MAD1L1: variants seen among roughly 807,000 people sequenced by gnomAD.
MAD1L1 encodes mitotic arrest deficient 1 like 1.
A neutral mutation model predicts 96.9 loss-of-function variants in MAD1L1; 95 were observed. The observed-to-expected ratio is 0.98, with a 90% CI of 0.83 to 1.16. The LOEUF (loss-of-function observed/expected upper bound fraction) is 1.16. Among genes scored for constraint, MAD1L1 ranks in the 50% most tolerant of loss-of-function variants. MAD1L1 has a pLI of 0.00. For synonymous variants in MAD1L1, 473 were observed against 396.6 expected (o/e 1.19, Z -2.29); for missense variants, 1,007 against 954.4 (o/e 1.06, Z -0.73).
Position 1,939,025 on chromosome 7 carries a change from G to GCACA in MAD1L1, c.1597-2129_1597-2128insTGTG, listed in dbSNP as rs1562542997. On this transcript the variant is annotated intron_variant, in intron 16 of 18. Transcript: ENST00000265854. ...CACACACACACACACACACACACAT[G>GCACA]GGCCAGGGCTGGGGCCAGAGGCACA... Among the ~76,000 whole-genome samples the GCACA allele has an allele frequency of 4.1e-3, 391 of 95,996 alleles. 9 individuals are homozygous for GCACA. The highest frequency in any genetic ancestry group is 0.017 in the African/African-American group (382 of 21,842). The allele number at this position is 95,996 out of a possible 152,430, so 63.0% of individuals were successfully genotyped here.
At chr7:2,104,054 A>G (rs1183686275) in intron 11 of MAD1L1, among the ~76,000 whole-genome samples, 1 of 152,248 alleles carries the variant, frequency 6.6e-6, no homozygotes, top group Non-Finnish European at 1.5e-5. Flanking sequence ...CTCGTGGCAG[A>G]TAAGTAATGA....
chr7:1,830,791 T>C (rs1196750268), intron 18 of MAD1L1, among the ~76,000 whole-genome samples: 4 of 151,906 alleles, frequency 2.6e-5, no homozygotes, highest in South Asian at 4.2e-4. Context: ...CACATGAACT[T>C]GTAAAAAATT....
intron 11 of MAD1L1, among the ~76,000 whole-genome samples, chr7:2,090,552 T>G (rs1786155745): frequency 6.6e-6 from 1 of 152,166 alleles, no homozygotes. Context: ...TCAGCGTCCT[T>G]GTTCCTTCCC....
intron 13 of MAD1L1, among the ~76,000 whole-genome samples, chr7:2,006,742 A>C (rs1432992371): frequency 1.3e-5 from 2 of 152,032 alleles, no homozygotes; most frequent in African/African-American, 2.4e-5. Context: ...TGGGGTCCCG[A>C]GAGACCCAAG....
chr7:1,944,284 G>A (rs971929971), intron 16 of MAD1L1, among the ~76,000 whole-genome samples: 5 of 152,210 alleles, frequency 3.3e-5, no homozygotes, highest in Non-Finnish European at 7.3e-5. Context: ...AACGTTCTGC[G>A]AAGGGTGACG....
chr7:1,931,247 C>T (rs1789460719), intron 17 of MAD1L1, among the ~76,000 whole-genome samples: 2 of 145,462 alleles, frequency 1.4e-5, no homozygotes, highest in African/African-American at 2.6e-5. Flanking sequence ...CTCCTCACCC[C>T]ACGCACGGTC....
chr7:2,148,746 A>C, intron 11 of MAD1L1: 1 of 204,168 alleles, frequency 4.9e-6, no homozygotes, highest in Non-Finnish European at 1.0e-5. Flanking sequence ...GCCCCTTCCA[A>C]TCACGCCTGC....
intron 12 of MAD1L1, among the ~76,000 whole-genome samples, chr7:2,021,663 G>A (rs1278762515): frequency 1.3e-5 from 2 of 152,246 alleles, no homozygotes; most frequent in East Asian, 3.9e-4. Flanking sequence ...TACTCGGGAG[G>A]CTGAGGCAGG....
chr7:2,216,183 C>T lies in MAD1L1; in HGVS notation c.783G>A (p.Gln261=). The T allele has an allele frequency of 3.1e-6, 5 of 1,613,640 alleles. No individual in the cohort carries two copies. The highest frequency in any genetic ancestry group is 1.1e-5 in the South Asian group (1 of 91,062). The change falls in exon 8 of 19, where the codon CAG becomes CAA. Residue 261 remains glutamine (Q), a synonymous_variant. Coordinates refer to ENST00000265854, the MANE Select transcript of MAD1L1 (RefSeq NM_001013836.2). ...RLPRLERELK[Q]LREESAHLRE... is the part of the protein sequence containing the mutation. ...GCAGGTGCGCGCTCTCCTCCCGCAG[C>T]TGCTTCAGCTCCCGTTCCAGCCTAG...
chr7:1,832,486 G>A, intron 18 of MAD1L1, among the ~76,000 whole-genome samples: 1 of 145,624 alleles, frequency 6.9e-6, no homozygotes, highest in Non-Finnish European at 1.5e-5. Flanking sequence ...CAGTTTGAGG[G>A]GTTGAGAGGC....
At chr7:2,216,130 G>A in intron 8 of MAD1L1, 27 bp downstream of exon 8, 1 of 1,609,552 alleles carries the variant, frequency 6.2e-7, no homozygotes, top group Non-Finnish European at 8.5e-7. Flanking sequence ...ACTCGAGGCG[G>A]CTGCCCCATC....
At chr7:2,051,440 A>G (rs1784163151) in intron 12 of MAD1L1, among the ~76,000 whole-genome samples, 1 of 152,150 alleles carries the variant, frequency 6.6e-6, no homozygotes, top group African/African-American at 2.4e-5. Context: ...GATCTGGATG[A>G]AGTGGTGGCG....
At chr7:1,870,979 C>T (rs1355463954) in intron 18 of MAD1L1, among the ~76,000 whole-genome samples, 1 of 142,878 alleles carries the variant, frequency 7.0e-6, no homozygotes, top group African/African-American at 2.6e-5. Flanking sequence ...CTGAACCCAA[C>T]ATACGCCTGC....
In MAD1L1 at chr7:2,069,345, G is replaced by T; in HGVS notation, c.1074-7C>A. On this transcript the variant is annotated splice_polypyrimidine_tract_variant and splice_region_variant and intron_variant, in intron 11 of 18. Coordinates refer to ENST00000265854, the MANE Select transcript of MAD1L1 (RefSeq NM_001013836.2). ...CTTCTCCAGCCCCCGGGCGCTGCAT[G>T]GGAGAGACAAGAGGGCAAAGCAATG... The T allele has an allele frequency of 6.3e-7, 1 of 1,583,572 alleles. No homozygotes were observed. The highest frequency in any genetic ancestry group is 2.3e-5 in the East Asian group (1 of 44,142).
chr7:1,839,829 G>A (rs968879329), intron 18 of MAD1L1, among the ~76,000 whole-genome samples: 2 of 152,036 alleles, frequency 1.3e-5, no homozygotes, highest in African/African-American at 4.8e-5. Flanking sequence ...GGGAGGTGGG[G>A]CAGCTGGGCA....
chr7:2,216,310 A>G, intron 7 of MAD1L1, 23 bp from the exon 8 acceptor site: 1 of 1,606,380 alleles, frequency 6.2e-7, no homozygotes, highest in Non-Finnish European at 8.5e-7. Context: ...AGGGACAGAG[A>G]AGAAGGGAAA....
In MAD1L1 at chr7:1,815,937, G is replaced by C; in HGVS notation, c.*133C>G. The C allele has an allele frequency of 9.3e-7, 1 of 1,078,322 alleles. No individual in the cohort carries two copies. The highest frequency in any genetic ancestry group is 1.3e-6 in the Non-Finnish European group (1 of 771,238). The allele number at this position is 1,078,322 out of a possible 1,614,324, so 66.8% of individuals were successfully genotyped here. ...CAGGAAGCCCGACGTAGGTCCCAGCGTGTCTGTCAGTCATGCTGCTGCCCT... is the reference window on the plus strand; with the variant it reads ...CAGGAAGCCCGACGTAGGTCCCAGCCTGTCTGTCAGTCATGCTGCTGCCCT... On this transcript the variant is annotated 3_prime_UTR_variant, in exon 19 of 19. Transcript: ENST00000265854.
intron 15 of MAD1L1, among the ~76,000 whole-genome samples, chr7:1,977,145 A>AGGCGCCGCAGAGCAG (rs1780680133): frequency 6.6e-6 from 1 of 152,226 alleles, no homozygotes; most frequent in South Asian, 2.1e-4. Context: ...CAATAGGACC[A>AGGCGCCGCAGAGCAG]GGCGCCGCAG....
intron 10 of MAD1L1, among the ~76,000 whole-genome samples, chr7:2,163,325 G>T (rs748308640): frequency 2.6e-5 from 4 of 152,144 alleles, no homozygotes; most frequent in Non-Finnish European, 5.9e-5. Context: ...TGTTTTCAAA[G>T]AAACTTTCCT....
Sources: gnomAD v4.1 joint callset for allele counts (sites outside exome capture counted in the v4.1 genomes callset) on GRCh38, gnomAD v4.1.1 for gene constraint, MANE v1.5 for transcripts, NCBI Gene and HGNC (gene_info 2026-07-23, HGNC 2026-07-21) for gene names.